The following RBFOX3 variants were observed in gnomAD, a reference collection of about 807,000 sequenced individuals.
RBFOX3 encodes the protein RNA binding protein fox-1 homolog 3.
RBFOX3 carries 17 observed loss-of-function variants against 48.7 expected under a neutral mutation model. That is an observed-to-expected ratio of 0.35 (90% CI 0.24 to 0.52). The LOEUF is 0.52. RBFOX3 is among the 20% of genes least tolerant of loss of function. The pLI is 0.94. For missense variants in RBFOX3, 382 were observed against 497.5 expected (o/e 0.77, Z 2.21); for synonymous variants, 212 against 209.5 (o/e 1.01, Z -0.10).
At chr17:79,292,248 C>G (rs2073409398) in intron 3 of RBFOX3, among the ~76,000 whole-genome samples, 2 of 152,012 alleles carry the variant, frequency 1.3e-5, no homozygotes, top group African/African-American at 2.4e-5. Flanking sequence ...AAGAGCAAAA[C>G]CAGGGTAAGG....
chr17:79,291,567 G>A (rs2073267315), intron 3 of RBFOX3, among the ~76,000 whole-genome samples: 2 of 152,198 alleles, frequency 1.3e-5, no homozygotes, highest in African/African-American at 4.8e-5. Context: ...CCTGTGTCAT[G>A]CATCCACCCC....
chr17:79,384,100 C>G (rs1387500601), intron 2 of RBFOX3, among the ~76,000 whole-genome samples: 2 of 152,208 alleles, frequency 1.3e-5, no homozygotes, highest in Admixed American at 6.5e-5. Flanking sequence ...AAGGAGAGGA[C>G]ACCTACAGCG....
chr17:79,094,769 G>A (rs1044531840), intron 13 of RBFOX3, among the ~76,000 whole-genome samples: 1 of 145,130 alleles, frequency 6.9e-6, no homozygotes, highest in African/African-American at 2.5e-5. Flanking sequence ...TGCTGACCCT[G>A]ACGGGGTGGG....
chr17:79,458,357 T>C (rs1170845331), intron 2 of RBFOX3, among the ~76,000 whole-genome samples: 4 of 152,084 alleles, frequency 2.6e-5, no homozygotes, highest in Admixed American at 2.6e-4. Context: ...AATGTTGACG[T>C]CTCACGTAAC....
chr17:79,470,650 C>T (rs1162681356), intron 2 of RBFOX3, among the ~76,000 whole-genome samples: 1 of 151,970 alleles, frequency 6.6e-6, no homozygotes, highest in Admixed American at 6.5e-5. Context: ...GCCACACAGC[C>T]CACGCATGTG....
intron 2 of RBFOX3, among the ~76,000 whole-genome samples, chr17:79,356,494 A>C (rs1219941376): frequency 1.3e-5 from 2 of 150,074 alleles, no homozygotes; most frequent in Middle Eastern, 3.2e-3. Context: ...TCAGCCTCCC[A>C]GGTAGCTGGG....
chr17:79,472,181 G>C (rs978372308), intron 2 of RBFOX3, among the ~76,000 whole-genome samples: 1 of 152,228 alleles, frequency 6.6e-6, no homozygotes, highest in Non-Finnish European at 1.5e-5. Flanking sequence ...CCCAAACCTG[G>C]AATGATGAGT....
At chr17:79,255,549 C>T (rs1376379366) in intron 3 of RBFOX3, among the ~76,000 whole-genome samples, 24 of 152,130 alleles carry the variant, frequency 1.6e-4, no homozygotes, top group Admixed American at 1.6e-3. Context: ...TTAGAGGCAG[C>T]CAGAAGCCGA....
intron 4 of RBFOX3, among the ~76,000 whole-genome samples, chr17:79,143,375 G>GC (rs1568216797): frequency 7.7e-6 from 1 of 130,182 alleles, no homozygotes; most frequent in African/African-American, 2.8e-5. Flanking sequence ...TGGTGGAGCG[G>GC]GGGGTGGGGG....
At chr17:79,259,008 T>G (rs572031873) in intron 3 of RBFOX3, among the ~76,000 whole-genome samples, 57 of 152,392 alleles carry the variant, frequency 3.7e-4, no homozygotes, top group African/African-American at 1.1e-3. Context: ...CAGCTGCTTT[T>G]GCAGAGTCGC....
chr17:79,635,102 C>CAT, the RBFOX3 span, among the ~76,000 whole-genome samples: 1 of 107,528 alleles, frequency 9.3e-6, no homozygotes, highest in African/African-American at 3.4e-5. Flanking sequence ...AAAAAAAAAA[C>CAT]GTTGGCACTG....
chr17:79,604,712 G>T (rs1354570730), intron 1 of RBFOX3, among the ~76,000 whole-genome samples: 1 of 152,204 alleles, frequency 6.6e-6, no homozygotes, highest in African/African-American at 2.4e-5. Flanking sequence ...AGGTACCAGG[G>T]TGTTTGTACT....
chr17:79,385,570 G>A (rs1333970004), intron 2 of RBFOX3, among the ~76,000 whole-genome samples: 1 of 152,180 alleles, frequency 6.6e-6, no homozygotes, highest in Non-Finnish European at 1.5e-5. Context: ...AGAACTCTCA[G>A]TGAGTCACAA....
intron 4 of RBFOX3, among the ~76,000 whole-genome samples, chr17:79,116,993 GC>G (rs2034191363): frequency 6.6e-6 from 1 of 152,248 alleles, no homozygotes; most frequent in African/African-American, 2.4e-5. Flanking sequence ...CTGAGAAGCA[GC>G]CCTGGTGGGG....
At chr17:79,510,910 T>TC (rs2084071329) in intron 1 of RBFOX3, among the ~76,000 whole-genome samples, 1 of 151,862 alleles carries the variant, frequency 6.6e-6, no homozygotes, top group Non-Finnish European at 1.5e-5. Context: ...AGCAGCAGCA[T>TC]CCTAGGGAGA....
chr17:79,398,665 T>C (rs1367916543), intron 2 of RBFOX3, among the ~76,000 whole-genome samples: 4 of 152,204 alleles, frequency 2.6e-5, no homozygotes, highest in Non-Finnish European at 4.4e-5. Context: ...GGCTCCCACG[T>C]AGCAGCAGCG....
the RBFOX3 span, among the ~76,000 whole-genome samples, chr17:79,634,764 T>A: frequency 1.6e-4 from 24 of 152,050 alleles, no homozygotes; most frequent in Non-Finnish European, 2.6e-4. Context: ...TCCTTCCATT[T>A]CCTCAATTAT....
chr17:79,646,191 C>T, the RBFOX3 span, among the ~76,000 whole-genome samples: 1 of 152,132 alleles, frequency 6.6e-6, no homozygotes, highest in African/African-American at 2.4e-5. Context: ...TCTTAGGAAA[C>T]TCACCTTCCA....
At chr17:79,611,169 T>G (rs1290096406), upstream of RBFOX3, among the ~76,000 whole-genome samples, 79 of 25,916 alleles carry the variant, frequency 3.0e-3, 4 homozygotes, top group South Asian at 0.011. Flanking sequence ...TCTCTCTCTC[T>G]CTCTCCGCCC....
Sources: allele counts gnomAD v4.1 joint callset (sites outside exome capture counted in the v4.1 genomes callset), GRCh38; gene constraint gnomAD v4.1.1; transcripts MANE v1.5; gene names NCBI Gene and HGNC (gene_info 2026-07-23, HGNC 2026-07-21).